LRP2: variants seen among roughly 807,000 people sequenced by gnomAD.
The protein encoded by LRP2 is LDL receptor related protein 2.
A neutral mutation model predicts 531.0 loss-of-function variants in LRP2; 172 were observed. That is an observed-to-expected ratio of 0.32 (90% CI 0.29 to 0.37). The LOEUF (loss-of-function observed/expected upper bound fraction) is 0.37, where lower values mean the gene tolerates loss of function less well. Among genes scored for constraint, LRP2 ranks in the 10% least tolerant of loss-of-function variants. The pLI is 1.00. For synonymous variants in LRP2, 1,992 were observed against 2,027.6 expected (o/e 0.98, Z 0.47); for missense variants, 5,167 against 5,868.3 (o/e 0.88, Z 3.90).
intron 28 of LRP2, among the ~76,000 whole-genome samples, chr2:169,236,621 T>A (rs1689615887): frequency 6.6e-6 from 1 of 152,178 alleles, no homozygotes; most frequent in Admixed American, 6.5e-5. Context: ...TCCAAACACA[T>A]GGGAGAATTT....
intron 76 of LRP2, among the ~76,000 whole-genome samples, chr2:169,134,625 C>T (rs895720976): frequency 2.6e-5 from 4 of 152,156 alleles, no homozygotes; most frequent in African/African-American, 7.2e-5. Flanking sequence ...CGCTCTGCCC[C>T]GCTCCACTAC....
intron 50 of LRP2, chr2:169,182,636 G>C: frequency 1.0e-6 from 1 of 985,358 alleles, no homozygotes; most frequent in Non-Finnish European, 1.2e-6. Context: ...CAGTGCAAAG[G>C]CTTAGCAGAA....
Position 169,318,840 on chromosome 2 carries a change from C to T in LRP2, c.232G>A (p.Gly78Arg). The change falls in exon 3 of 79, where the codon GGA (glycine) becomes AGA (arginine). Residue 78 changes from glycine (G) to arginine (R), a missense_variant. By Grantham distance (125) the Gly-to-Arg change is moderately radical. Around this residue, in one of 6 missense-constraint regions of LRP2, gnomAD observed 2,811 missense variants for 3,058.0 expected, o/e 0.92. Coordinates refer to ENST00000649046, the MANE Select transcript of LRP2 (RefSeq NM_004525.3). Reference sequence around the variant, plus strand: ...ACCCAGGAGTTGGGGATGCATTGTCCCTCACTCTGGCACTTGAAATAGCCC... The same window carrying T: ...ACCCAGGAGTTGGGGATGCATTGTCTCTCACTCTGGCACTTGAAATAGCCC... ...QQGYFKCQSE[G>R]QCIPNSWVCD... The T allele has an allele frequency of 6.2e-7, 1 of 1,614,130 alleles. No individual in the cohort carries two copies. Among genetic ancestry groups the T allele is most frequent in the East Asian group, 2.2e-5 (1 of 44,880 alleles).
chr2:169,196,408 G>C (rs1016576297), intron 46 of LRP2, among the ~76,000 whole-genome samples: 16 of 152,310 alleles, frequency 1.1e-4, no homozygotes, highest in Middle Eastern at 3.4e-3. Flanking sequence ...AATGTAAACA[G>C]GGCATAACTG....
At chr2:169,266,914 G>A (rs1027808538) in intron 16 of LRP2, among the ~76,000 whole-genome samples, 1 of 125,566 alleles carries the variant, frequency 8.0e-6, no homozygotes, top group Non-Finnish European at 1.6e-5. Flanking sequence ...CCGAGATAGG[G>A]TTGCACTCTG....
chr2:169,314,139 C>T (rs1022817598), intron 3 of LRP2, among the ~76,000 whole-genome samples: 1 of 152,084 alleles, frequency 6.6e-6, no homozygotes, highest in African/African-American at 2.4e-5. Flanking sequence ...TGGCTCGTGC[C>T]TTTAATCCCA....
intron 41 of LRP2, 150 bp downstream of exon 41, chr2:169,205,329 T>A: frequency 1.2e-6 from 1 of 827,914 alleles, no homozygotes; most frequent in Non-Finnish European, 2.0e-6. Flanking sequence ...CAAGTTCCAA[T>A]ATAAACATAG....
intron 3 of LRP2, among the ~76,000 whole-genome samples, chr2:169,311,533 G>A (rs1480959195): frequency 1.3e-5 from 2 of 152,178 alleles, no homozygotes; most frequent in Non-Finnish European, 2.9e-5. Context: ...TTAATCCTGA[G>A]TTTTAGTTTG....
rs1024259306 is a variant in LRP2, at chr2:169,127,158, G to A, written c.*1505C>T. On this transcript the variant is annotated 3_prime_UTR_variant, in exon 79 of 79. Transcript: ENST00000649046. ...AACTTTTTCAGCAGCATTATTTCCA[G>A]TTGTTTATCTAATCAAAGTAATTAC... 1 of 152,566 alleles carries A rather than the reference G, an allele frequency of 6.6e-6. No homozygotes were observed. The highest frequency in any genetic ancestry group is 1.5e-5 in the Non-Finnish European group (1 of 68,032). 9.5% of individuals were successfully genotyped at this position (152,566 alleles called of 1,614,324 possible).
chr2:169,328,293 G>A (rs1170483472), intron 1 of LRP2, among the ~76,000 whole-genome samples: 1 of 126,926 alleles, frequency 7.9e-6, no homozygotes, highest in Admixed American at 7.7e-5. Flanking sequence ...AGGTGGGGGG[G>A]TCAGCCCCCC....
intron 3 of LRP2, among the ~76,000 whole-genome samples, chr2:169,311,329 T>C (rs918010540): frequency 3.9e-5 from 6 of 152,346 alleles, no homozygotes; most frequent in African/African-American, 1.4e-4. Context: ...CTTTCTCTTG[T>C]GGGCATTTAG....
In LRP2 at chr2:169,362,507, T is replaced by G; in HGVS notation, c.-108A>C. The G allele has an allele frequency of 3.1e-6, 3 of 966,354 alleles. No individual in the cohort carries two copies. The highest frequency in any genetic ancestry group is 4.8e-6 in the Non-Finnish European group (3 of 629,806). The allele number at this position is 966,354 out of a possible 1,614,324, so 59.9% of individuals were successfully genotyped here. Reference sequence around the variant, plus strand: ...GCGAACGCTCCTTTAGGTCTGCACCTCCGCCAGCTCCTAGTGGCCAAAAGC... The same window carrying G: ...GCGAACGCTCCTTTAGGTCTGCACCGCCGCCAGCTCCTAGTGGCCAAAAGC... On this transcript the variant is annotated 5_prime_UTR_variant, in exon 1 of 79. Coordinates refer to ENST00000649046, the MANE Select transcript of LRP2 (RefSeq NM_004525.3).
At chr2:169,212,414 T>C (rs1254720402) in intron 36 of LRP2, among the ~76,000 whole-genome samples, 6 of 152,132 alleles carry the variant, frequency 3.9e-5, no homozygotes, top group Non-Finnish European at 7.4e-5. Context: ...ACCCAACTAT[T>C]GTATAATAGT....
At chr2:169,169,010 T>C (rs1686893300) in intron 60 of LRP2, among the ~76,000 whole-genome samples, 1 of 152,224 alleles carries the variant, frequency 6.6e-6, no homozygotes, top group South Asian at 2.1e-4. Flanking sequence ...CATGGATGGT[T>C]ATCATGGATG....
At chr2:169,291,472 C>T (rs1366140068) in intron 7 of LRP2, among the ~76,000 whole-genome samples, 1 of 152,162 alleles carries the variant, frequency 6.6e-6, no homozygotes, top group Non-Finnish European at 1.5e-5. Context: ...AACATAAAAA[C>T]ATAAAACATA....
Position 169,166,003 on chromosome 2 carries a change from CA to C in LRP2, c.11686del (p.Cys3896AlafsTer87). 6.2e-7 allele frequency: 1 copy of C among 1,614,076 alleles called. No individual in the cohort carries two copies. The highest frequency in any genetic ancestry group is 8.5e-7 in the Non-Finnish European group (1 of 1,179,948). On this transcript the variant is annotated frameshift_variant, in exon 62 of 79. Coordinates refer to ENST00000649046, the MANE Select transcript of LRP2 (RefSeq NM_004525.3). LOFTEE classifies it high-confidence loss of function. ...ATTGCACACCTCATGACTATAAATG[CA>C]GCGATTGTTGTCACACCGGAAACGG... ...PNRFRCDNNR[C>X]IYSHEVCNGV...
chr2:169,135,294 C>T (rs896557184), intron 76 of LRP2, among the ~76,000 whole-genome samples: 3 of 152,114 alleles, frequency 2.0e-5, no homozygotes, highest in Admixed American at 1.3e-4. Flanking sequence ...GTTTTTCCCC[C>T]GCCCAGGACT....
At chr2:169,216,176 G>T (rs1688780421) in intron 35 of LRP2, 77 bp downstream of exon 35, 1 of 1,477,000 alleles carries the variant, frequency 6.8e-7, no homozygotes, top group East Asian at 2.3e-5. Context: ...AAGAACCACT[G>T]CCTGACAGCT....
chr2:169,273,711 T>A (rs1683481806), intron 14 of LRP2, among the ~76,000 whole-genome samples: 1 of 152,174 alleles, frequency 6.6e-6, no homozygotes, highest in Admixed American at 6.5e-5. Flanking sequence ...AAATTTTATA[T>A]CTGCTTTCAA....
Sources: allele counts gnomAD v4.1 joint callset (sites outside exome capture counted in the v4.1 genomes callset), GRCh38; gene constraint gnomAD v4.1.1; regional missense constraint gnomAD v4.1.1; transcripts MANE v1.5; gene names NCBI Gene and HGNC (gene_info 2026-07-23, HGNC 2026-07-21).